GRID2: variants seen among roughly 807,000 people sequenced by gnomAD.
GRID2 encodes glutamate receptor ionotropic, delta-2.
A neutral mutation model predicts 114.8 loss-of-function variants in GRID2; 33 were observed. That is an observed-to-expected ratio of 0.29 (90% CI 0.22 to 0.38). The LOEUF (loss-of-function observed/expected upper bound fraction) is 0.38. GRID2 is among the 10% of genes least tolerant of loss of function. GRID2 has a pLI of 1.00. For synonymous variants in GRID2, 505 were observed against 449.9 expected (o/e 1.12, Z -1.55); for missense variants, 1,184 against 1,257.7 (o/e 0.94, Z 0.89).
intron 1 of GRID2, among the ~76,000 whole-genome samples, chr4:92,359,833 TC>T (rs1461432443): frequency 6.6e-6 from 1 of 151,980 alleles, no homozygotes; most frequent in Non-Finnish European, 1.5e-5. Flanking sequence ...CTAGGCAATT[TC>T]CCTTAGGCTT....
chr4:93,362,806 T>C (rs960895594), intron 8 of GRID2, among the ~76,000 whole-genome samples: 19 of 152,182 alleles, frequency 1.2e-4, no homozygotes, highest in African/African-American at 4.6e-4. Context: ...CCTTTGTGCC[T>C]GTGAATCCCA....
In GRID2 at chr4:93,355,013, T is replaced by G. The variant is rs548054385; in HGVS notation, c.1246-40594T>G. Among the ~76,000 whole-genome samples the G allele has an allele frequency of 8.7e-4, 132 of 151,542 alleles. No individual in the cohort carries two copies. The Middle Eastern group carries it at 0.014, about 16-fold the overall frequency. ...ATTCTACATTTATAAATCAGGACAATTATTGTCATTATTATTATTATCATC... is the reference window on the plus strand; with the variant it reads ...ATTCTACATTTATAAATCAGGACAAGTATTGTCATTATTATTATTATCATC... On this transcript the variant is annotated intron_variant, in intron 8 of 15. Transcript: ENST00000282020.
chr4:93,031,559 G>T (rs1182006722), intron 2 of GRID2, among the ~76,000 whole-genome samples: 1 of 152,014 alleles, frequency 6.6e-6, no homozygotes, highest in African/African-American at 2.4e-5. Flanking sequence ...GAATCATGGG[G>T]TGGGTCTTTC....
At chr4:93,705,831 T>C (rs907865125) in intron 14 of GRID2, among the ~76,000 whole-genome samples, 1 of 152,332 alleles carries the variant, frequency 6.6e-6, no homozygotes, top group East Asian at 1.9e-4. Flanking sequence ...TTTAAGTCTC[T>C]AATCTATTTT....
At chr4:93,344,074 G>A (rs895714535) in intron 8 of GRID2, among the ~76,000 whole-genome samples, 3 of 151,964 alleles carry the variant, frequency 2.0e-5, no homozygotes, top group Non-Finnish European at 2.9e-5. Context: ...ATAGTTATAA[G>A]TAAATTACAC....
In GRID2 at chr4:93,504,403, T is replaced by A. The variant is rs553920760; in HGVS notation, c.1998-10813T>A. 3.3e-5 allele frequency among the ~76,000 whole-genome samples: 5 copies of A among 152,122 alleles called. No individual in the cohort carries two copies. In the South Asian group the frequency reaches 1.0e-3, roughly 32 times the overall value. ...TCTTGATTCTAATTAACATTTTCAA[T>A]GTTAATTTGAAGTATGGAATAGGGA... is the stretch of plus-strand genomic sequence containing the variant. On this transcript the variant is annotated intron_variant, in intron 12 of 15. Transcript: ENST00000282020.
intron 11 of GRID2, among the ~76,000 whole-genome samples, chr4:93,479,545 T>C (rs559564241): frequency 1.3e-5 from 2 of 152,174 alleles, no homozygotes; most frequent in East Asian, 3.9e-4. Context: ...GATGATGTAA[T>C]TCTCAGTCCC....
chr4:93,394,363 G>T (rs1035000995), intron 8 of GRID2, among the ~76,000 whole-genome samples: 10 of 151,946 alleles, frequency 6.6e-5, no homozygotes, highest in African/African-American at 2.4e-4. Context: ...TAAGGAAAAA[G>T]CTGGCTCTGC....
At chr4:93,050,003 T>C (rs1726539382) in intron 2 of GRID2, among the ~76,000 whole-genome samples, 1 of 152,206 alleles carries the variant, frequency 6.6e-6, no homozygotes, top group African/African-American at 2.4e-5. Flanking sequence ...AAGAGCATTC[T>C]TCCTGAAGGT....
chr4:92,951,821 G>T (rs1379866801), intron 2 of GRID2, among the ~76,000 whole-genome samples: 3 of 152,014 alleles, frequency 2.0e-5, no homozygotes, highest in Admixed American at 6.6e-5. Flanking sequence ...GCATTGTATT[G>T]CACCTTTCTT....
At chr4:92,577,319 G>T (rs558520260) in intron 1 of GRID2, among the ~76,000 whole-genome samples, 30 of 152,290 alleles carry the variant, frequency 2.0e-4, no homozygotes, top group African/African-American at 6.7e-4. Context: ...CTGGCTGTGG[G>T]TTTAGTGGAG....
chr4:93,631,677 C>A (rs138428858), intron 14 of GRID2, among the ~76,000 whole-genome samples: 5 of 152,014 alleles, frequency 3.3e-5, no homozygotes. Flanking sequence ...AATAAATATA[C>A]GTGTGCATGT....
chr4:92,848,618 C>T (rs1743518519), intron 2 of GRID2, among the ~76,000 whole-genome samples: 1 of 151,748 alleles, frequency 6.6e-6, no homozygotes, highest in African/African-American at 2.4e-5. Context: ...TGGAACAATG[C>T]CTATTGTCAA....
At chr4:92,740,738 A>AGATAGATAGATAGATG (rs1553922626) in intron 2 of GRID2, among the ~76,000 whole-genome samples, 4 of 141,060 alleles carry the variant, frequency 2.8e-5, no homozygotes, top group African/African-American at 1.1e-4. Context: ...ATAGATAGAT[A>AGATAGATAGATAGATG]GATGGATAGA....
At chr4:93,182,283 C>CT (rs1035016231) in intron 4 of GRID2, among the ~76,000 whole-genome samples, 1 of 149,402 alleles carries the variant, frequency 6.7e-6, no homozygotes, top group African/African-American at 2.5e-5. Flanking sequence ...ACTTTAACAG[C>CT]TTTTTTTCTG....
intron 3 of GRID2, among the ~76,000 whole-genome samples, chr4:93,098,226 T>C (rs981269972): frequency 6.6e-6 from 1 of 151,956 alleles, no homozygotes. Flanking sequence ...ACCTTCATTG[T>C]GTTAATGATA....
At chr4:92,488,288 A>T (rs1722990920) in intron 1 of GRID2, among the ~76,000 whole-genome samples, 1 of 152,196 alleles carries the variant, frequency 6.6e-6, no homozygotes, top group Non-Finnish European at 1.5e-5. Context: ...CAAAATTATA[A>T]CTATTATTCA....
intron 1 of GRID2, among the ~76,000 whole-genome samples, chr4:92,487,552 C>T (rs1455225501): frequency 5.3e-5 from 8 of 151,958 alleles, no homozygotes; most frequent in Admixed American, 5.2e-4. Context: ...TTAGTATTTT[C>T]AACATATCCA....
At chr4:93,154,946 A>AT (rs1274736008) in intron 4 of GRID2, among the ~76,000 whole-genome samples, 2 of 151,850 alleles carry the variant, frequency 1.3e-5, no homozygotes, top group Admixed American at 6.6e-5. Context: ...TTACATTTAT[A>AT]TTTTTTTGCT....
Sources: gnomAD v4.1 joint callset for allele counts (sites outside exome capture counted in the v4.1 genomes callset) on GRCh38, gnomAD v4.1.1 for gene constraint, MANE v1.5 for transcripts, NCBI Gene and HGNC (gene_info 2026-07-23, HGNC 2026-07-21) for gene names.